FBN3: variants seen among roughly 807,000 people sequenced by gnomAD.
The protein encoded by FBN3 is fibrillin 3, also known as fibrillin-3.
Under a neutral mutation model 330.1 loss-of-function variants are expected in FBN3, and 234 were observed. That is an observed-to-expected ratio of 0.71 (90% CI 0.64 to 0.79). The LOEUF is 0.79. Ranked by LOEUF, FBN3 falls within the 30% of genes least tolerant of loss-of-function variation. FBN3 has a pLI of 0.00. For missense variants in FBN3, 3,606 were observed against 3,886.9 expected (o/e 0.93, Z 1.92); for synonymous variants, 1,458 against 1,517.3 (o/e 0.96, Z 0.91).
intron 59 of FBN3, among the ~76,000 whole-genome samples, chr19:8,080,776 T>C (rs554393694): frequency 3.8e-4 from 58 of 152,050 alleles, no homozygotes; most frequent in Admixed American, 1.3e-3. Context: ...CCTGCCACCA[T>C]GCCAGGCTAA....
chr19:8,071,957 G>C (rs1286717816), intron 63 of FBN3, 91 bp downstream of exon 63: 30 of 1,325,018 alleles, frequency 2.3e-5, no homozygotes, highest in Admixed American at 4.4e-5. Flanking sequence ...TCCTTCTTGG[G>C]GGGGCTGACA....
At position 8,149,363 on chromosome 19, in the gene FBN3, C is replaced by T. The variant is rs2083623192; in HGVS notation, c.-18+86G>A. The stretch of plus-strand genomic sequence containing the variant: ...GCGAACAAAGGAATCCTCTCCCCCT[C>T]CCCCTGCCGGCCCCCCCGCCCCCGC... On this transcript the variant is annotated intron_variant, in intron 1 of 63. Coordinates refer to ENST00000600128, the MANE Select transcript of FBN3 (RefSeq NM_032447.5). The surrounding 1 kb of genome is among the most constrained non-coding windows in gnomAD (Gnocchi z 5.5). The T allele has an allele frequency of 6.6e-6, 1 of 151,734 alleles. No individual in the cohort carries two copies. Among genetic ancestry groups the T allele is most frequent in the African/African-American group, 2.4e-5 (1 of 41,382 alleles). 9.4% of individuals were successfully genotyped at this position (151,734 alleles called of 1,614,324 possible).
chr19:8,098,019 G>T (rs1416136895), intron 41 of FBN3, among the ~76,000 whole-genome samples: 5 of 152,220 alleles, frequency 3.3e-5, no homozygotes, highest in Non-Finnish European at 7.3e-5. Context: ...TAGGCACAGG[G>T]TTTACTTTTG....
At chr19:8,071,953 T>A in intron 63 of FBN3, 95 bp downstream of exon 63, 1 of 1,298,220 alleles carries the variant, frequency 7.7e-7, no homozygotes, top group Non-Finnish European at 1.1e-6. Context: ...GTGCTCCTTC[T>A]TGGGGGGGCT....
chr19:8,102,754 G>A lies in FBN3; in HGVS notation c.5059C>T (p.Pro1687Ser). The A allele has an allele frequency of 6.2e-7, 1 of 1,613,962 alleles. No individual in the cohort carries two copies. The highest frequency in any genetic ancestry group is 8.5e-7 in the Non-Finnish European group (1 of 1,180,002). Reference protein sequence around the residue: ...SYNIGQAWNRPCEACPTPISP... With the variant: ...SYNIGQAWNRSCEACPTPISP... The stretch of plus-strand genomic sequence containing the variant: ...ATGGGAGTGGGGCAGGCCTCACAGG[G>A]TCTATTCCAGGCCTGGCCAATGTTG... Residue 1687 changes from proline to serine, a missense_variant, in exon 40 of 64, where the codon CCC becomes TCC. Coordinates refer to ENST00000600128, the MANE Select transcript of FBN3 (RefSeq NM_032447.5).
At position 8,085,511 on chromosome 19, in the gene FBN3, G is replaced by T; in HGVS notation, c.6939C>A (p.Ser2313=). 1 of 1,595,052 alleles carries T rather than the reference G, an allele frequency of 6.3e-7. No homozygotes were observed. Among genetic ancestry groups the T allele is most frequent in the Non-Finnish European group, 8.5e-7 (1 of 1,171,472 alleles). The change falls in exon 56 of 64, where the codon TCC becomes TCA. Residue 2313 remains serine (S), a synonymous_variant. Coordinates refer to ENST00000600128, the MANE Select transcript of FBN3 (RefSeq NM_032447.5). ...CCCTGGTGACAGCCTCACTGCTGCT[G>T]GACAGAGACCGGCACATGGTCTGCA... ...EVLQTMCRSL[S]SSSEAVTRAE...
rs964141122 is a variant in FBN3, at chr19:8,083,351, A to C, written c.7109T>G (p.Leu2370Arg). 7 of 1,613,966 alleles carry C rather than the reference A, an allele frequency of 4.3e-6. No homozygotes were observed. The African/African-American group carries it at 9.3e-5, about 22-fold the overall frequency. The change falls in exon 57 of 64, where the codon CTT becomes CGT. Residue 2370 changes from leucine (L) to arginine (R), a missense_variant. By Grantham distance (102) the Leu-to-Arg change is moderately radical. Coordinates refer to ENST00000600128, the MANE Select transcript of FBN3 (RefSeq NM_032447.5). ...EGRDVDECRM[L>R]AHLCAHGECI... ...CTCCCCATGAGCACACAGGTGAGCA[A>C]GCATACGGCATTCATCTACATCTGG...
chr19:8,110,552 G>A (rs1044450531), intron 34 of FBN3, among the ~76,000 whole-genome samples: 5 of 152,202 alleles, frequency 3.3e-5, no homozygotes, highest in Non-Finnish European at 7.3e-5. Flanking sequence ...GAGACTGACT[G>A]TGTGGCCTGC....
At chr19:8,135,936 G>GGGGGGGGGGGCGCCCC in intron 13 of FBN3, 25 bp downstream of exon 13, 1 of 668,778 alleles carries the variant, frequency 1.5e-6, no homozygotes, top group Non-Finnish European at 2.4e-6. Context: ...GGAAGCCCCT[G>GGGGGGGGGGGCGCCCC]CCCACCCGCC....
chr19:8,097,145 G>A lies in FBN3; in HGVS notation c.5288-139C>T. 2.0e-6 allele frequency: 3 copies of A among 1,464,796 alleles called. No individual in the cohort carries two copies. The South Asian group carries it at 3.9e-5, about 19-fold the overall frequency. 90.7% of individuals were successfully genotyped at this position (1,464,796 alleles called of 1,614,324 possible). On this transcript the variant is annotated intron_variant, in intron 42 of 63. Coordinates refer to ENST00000600128, the MANE Select transcript of FBN3 (RefSeq NM_032447.5). ...AGCTGGAGTAAGGGTGGTTATATGA[G>A]ATGGAGGCCCTTGGAAAGGTGTTAG...
intron 24 of FBN3, among the ~76,000 whole-genome samples, chr19:8,122,216 G>A (rs1284612332): frequency 6.6e-6 from 1 of 151,976 alleles, no homozygotes; most frequent in Non-Finnish European, 1.5e-5. Flanking sequence ...AGGTCTCGCT[G>A]TGTTACCCAG....
chr19:8,068,701 C>CAAATAAATAAATAAATAAAT (rs1555721997), intron 63 of FBN3, among the ~76,000 whole-genome samples: 8 of 127,954 alleles, frequency 6.3e-5, no homozygotes, highest in African/African-American at 1.9e-4. Flanking sequence ...GACCTTGTCT[C>CAAATAAATAAATAAATAAAT]AAATAAATAA....
At chr19:8,106,567 G>A (rs533131035) in intron 37 of FBN3, among the ~76,000 whole-genome samples, 1 of 152,272 alleles carries the variant, frequency 6.6e-6, no homozygotes, top group East Asian at 1.9e-4. Context: ...GGATGGATGG[G>A]AGGATGGATG....
intron 40 of FBN3, among the ~76,000 whole-genome samples, chr19:8,101,884 T>C (rs182108459): frequency 2.0e-5 from 3 of 152,250 alleles, no homozygotes; most frequent in African/African-American, 7.2e-5. Flanking sequence ...TTTAAAATAT[T>C]GCCTTCCATA....
intron 51 of FBN3, 141 bp from the exon 52 acceptor site, chr19:8,088,320 G>A: frequency 9.8e-7 from 1 of 1,025,238 alleles, no homozygotes; most frequent in Admixed American, 2.7e-5. Context: ...GGGCAGGCAA[G>A]CGGTATGTGT....
chr19:8,144,726 C>G (rs1247407276), intron 6 of FBN3, 151 bp downstream of exon 6: 1 of 595,886 alleles, frequency 1.7e-6, no homozygotes, highest in Non-Finnish European at 3.0e-6. Flanking sequence ...AACAGATGAG[C>G]AAATGAAAGA....
intron 38 of FBN3, among the ~76,000 whole-genome samples, chr19:8,104,046 G>T (rs1018918150): frequency 6.6e-6 from 1 of 151,502 alleles, no homozygotes; most frequent in African/African-American, 2.4e-5. Flanking sequence ...GATCACTTGA[G>T]TCCAGGAGGT....
At chr19:8,099,946 GT>G (rs2082292363) in intron 41 of FBN3, among the ~76,000 whole-genome samples, 1 of 151,086 alleles carries the variant, frequency 6.6e-6, no homozygotes, top group Middle Eastern at 3.2e-3. Context: ...GGAGGCAGAG[GT>G]TGCAGTAAGT....
At chr19:8,101,192 A>G (rs1027432080) in intron 40 of FBN3, among the ~76,000 whole-genome samples, 1 of 152,016 alleles carries the variant, frequency 6.6e-6, no homozygotes, top group Admixed American at 6.5e-5. Flanking sequence ...TGGTGCAATC[A>G]CGGCTCACTG....
Sources: gnomAD v4.1 joint callset for allele counts (sites outside exome capture counted in the v4.1 genomes callset) on GRCh38, gnomAD v4.1.1 for gene constraint, Gnocchi (gnomAD v3.1) non-coding constraint, MANE v1.5 for transcripts, NCBI Gene and HGNC (gene_info 2026-07-23, HGNC 2026-07-21) for gene names.